TTN: variants seen among roughly 807,000 people sequenced by gnomAD.
TTN encodes connectin.
A neutral mutation model predicts 3,223.0 loss-of-function variants in TTN; 1,525 were observed. The observed-to-expected ratio is 0.47, with a 90% confidence interval of 0.45 to 0.49. The LOEUF (loss-of-function observed/expected upper bound fraction) is 0.49. TTN is among the 20% of genes least tolerant of loss of function. The probability of loss-of-function intolerance (pLI) is 0.00; values close to 1 mark genes in which losing one functional copy is unlikely to be tolerated. For missense variants in TTN, 40,786 were observed against 43,424.0 expected, an observed-to-expected ratio of 0.94 and a Z score of 5.40; for synonymous variants, 14,094 against 15,161.0, an observed-to-expected ratio of 0.93 and a Z score of 5.17.
Position 178,535,386 on chromosome 2 carries a change from T to C in TTN, c.101229A>G (p.Arg33743=). 1 of 1,613,928 alleles carries C rather than the reference T, an allele frequency of 6.2e-7. No homozygotes were observed. The highest frequency in any genetic ancestry group is 8.5e-7 in the Non-Finnish European group (1 of 1,179,840). The change falls in exon 358 of 363, where the codon CGA becomes CGG. Residue 33743 remains arginine, a synonymous_variant. Coordinates refer to ENST00000589042, the MANE Select transcript of TTN (RefSeq NM_001267550.2). ...AGTTGATCACGGTATAACGTGTTTCTCGGGCCTGTCCTACACGGAGCCATC... is the reference window on the plus strand; with the variant it reads ...AGTTGATCACGGTATAACGTGTTTCCCGGGCCTGTCCTACACGGAGCCATC... The part of the protein sequence containing the change: ...AERWLRVGQA[R]ETRYTVINLF...
At chr2:178,772,118 G>T (rs1363812155) in intron 33 of TTN, among the ~76,000 whole-genome samples, 1 of 152,084 alleles carries the variant, frequency 6.6e-6, no homozygotes, top group African/African-American at 2.4e-5. Flanking sequence ...CCAATGGTAG[G>T]TACTTTAAAA....
chr2:178,559,025 A>G lies in TTN; in HGVS notation c.86821+286T>C, dbSNP rs185937339. On this transcript the variant is annotated intron_variant, in intron 326 of 362. Transcript: ENST00000589042. ...CATACTATATATATATAATCTGTGTATATATATATATAAACATGTATACCT... is the reference window on the plus strand; with the variant it reads ...CATACTATATATATATAATCTGTGTGTATATATATATAAACATGTATACCT... The G allele has an allele frequency of 4.1e-4, 104 of 251,312 alleles. 1 individual carries two copies. Among genetic ancestry groups the G allele is most frequent in the Admixed American group, 1.6e-3 (30 of 19,310 alleles). 15.6% of individuals were successfully genotyped at this position (251,312 alleles called of 1,614,324 possible).
intron 336 of TTN, chr2:178,550,686 TTTTC>T: frequency 4.4e-6 from 2 of 453,560 alleles, no homozygotes; most frequent in South Asian, 5.3e-5. Context: ...CTCGAGAACC[TTTTC>T]TTTATGTACT....
Position 178,567,418 on chromosome 2 carries a change from A to G in TTN, c.78714T>C (p.Ala26238=). ...LRGDKEIEES[A]RCEIKNTDFK... Reference sequence around the variant, plus strand: ...AATCTGTGTTCTTTATTTCACATCTAGCAGATTCTTCAATTTCCTTATCTC... The same window carrying G: ...AATCTGTGTTCTTTATTTCACATCTGGCAGATTCTTCAATTTCCTTATCTC... The change falls in exon 326 of 363, where the codon GCT becomes GCC. Residue 26238 remains alanine (A), a synonymous_variant. Transcript: ENST00000589042. 1 of 1,606,838 alleles carries G rather than the reference A, an allele frequency of 6.2e-7. No homozygotes were observed. The highest frequency in any genetic ancestry group is 8.5e-7 in the Non-Finnish European group (1 of 1,177,086).
chr2:178,653,398 T>A lies in TTN; in HGVS notation c.38707+29A>T, dbSNP rs752103902. On this transcript the variant is annotated intron_variant, in intron 197 of 362. Coordinates refer to ENST00000589042, the MANE Select transcript of TTN (RefSeq NM_001267550.2). The stretch of plus-strand genomic sequence containing the variant: ...AATATACAGCAGAGGAATTGGATCT[T>A]CTGAAGCTTAAGGTCAAATGACAAG... 70 of 1,604,106 alleles carry A rather than the reference T, an allele frequency of 4.4e-5. 1 individual carries two copies. In the East Asian group the frequency reaches 1.3e-3, roughly 30 times the overall value.
At position 178,588,591 on chromosome 2, in the gene TTN, C is replaced by G. The variant is rs878968094; in HGVS notation, c.63134G>C (p.Gly21045Ala). The change falls in exon 304 of 363, where the codon GGA (glycine) becomes GCA (alanine). Residue 21045 changes from glycine to alanine, a missense_variant. By Grantham distance (60) the Gly-to-Ala change is moderately conservative. Transcript: ENST00000589042. ...QFRVKAENEI[G>A]IGEPSLPSRP... ...TGAAGGCAAGCTTGGTTCTCCAATT[C>G]CAATTTCATTTTCTGCCTTGACACG... is the stretch of plus-strand genomic sequence containing the variant. The G allele has an allele frequency of 4.5e-6, 7 of 1,558,384 alleles. No individual in the cohort carries two copies. The African/African-American group carries it at 9.6e-5, about 21-fold the overall frequency.
chr2:178,770,029 A>T, intron 36 of TTN, 31 bp downstream of exon 36: 2 of 1,614,152 alleles, frequency 1.2e-6, no homozygotes, highest in Non-Finnish European at 1.7e-6. Context: ...TTCATTAAGG[A>T]AAGGGCTGTA....
intron 119 of TTN, 45 bp from the exon 120 acceptor site, chr2:178,692,625 A>T (rs1178752141): frequency 7.2e-7 from 1 of 1,392,866 alleles, no homozygotes; most frequent in Admixed American, 2.8e-5. Context: ...GCATTTGACA[A>T]GGCATATGTT....
chr2:178,768,237 T>C, intron 38 of TTN, 82 bp from the exon 39 acceptor site: 2 of 1,465,566 alleles, frequency 1.4e-6, no homozygotes, highest in East Asian at 2.4e-5. Context: ...TCCACCAATT[T>C]AAAGTATACA....
chr2:178,600,853 C>G lies in TTN; in HGVS notation c.56050+1G>C. ...TTCTTTGTCAGTACATTGGTACTTACATGTCTGGTCTTTGACAGTCACAGG... is the reference window on the plus strand; with the variant it reads ...TTCTTTGTCAGTACATTGGTACTTAGATGTCTGGTCTTTGACAGTCACAGG... On this transcript the variant is annotated splice_donor_variant, in intron 288 of 362. Coordinates refer to ENST00000589042, the MANE Select transcript of TTN (RefSeq NM_001267550.2). LOFTEE classifies it high-confidence loss of function. The G allele has an allele frequency of 6.2e-7, 1 of 1,612,746 alleles. No homozygotes were observed. Among genetic ancestry groups the G allele is most frequent in the Non-Finnish European group, 8.5e-7 (1 of 1,179,134 alleles).
chr2:178,546,793 A>T lies in TTN; in HGVS notation c.94635T>A (p.Arg31545=). The T allele has an allele frequency of 6.2e-7, 1 of 1,613,738 alleles. No homozygotes were observed. The highest frequency in any genetic ancestry group is 8.5e-7 in the Non-Finnish European group (1 of 1,179,718). The change falls in exon 341 of 363, where the codon CGT becomes CGA. Residue 31545 remains arginine (R), a synonymous_variant. Coordinates refer to ENST00000589042, the MANE Select transcript of TTN (RefSeq NM_001267550.2). ...GSKVVGYIIE[R]KPVSEVGDGR... ...CATCTCCTACCTCACTGACTGGCTT[A>T]CGCTCTATGATGTAGCCCACAACCT...
rs1297994041 is a variant in TTN at position 178,756,304 on chromosome 2, C to A, written c.11172G>T (p.Leu3724=). The change falls in exon 46 of 363, where the codon CTG becomes CTT. Residue 3724 remains leucine (L), a synonymous_variant. Transcript: ENST00000589042. ...TGCAGCTGTATAGTCCTTGGTCTAC[C>A]AGCTGAACATTACATATGGTAAGAA... is the stretch of plus-strand genomic sequence containing the variant. The part of the protein sequence containing the change: ...IQFLTICNVQ[L]VDQGLYSCIV... The A allele has an allele frequency of 1.2e-6, 2 of 1,613,778 alleles. No individual in the cohort carries two copies. The highest frequency in any genetic ancestry group is 2.2e-5 in the East Asian group (1 of 44,888).
chr2:178,723,207 C>A lies in TTN; in HGVS notation c.21800G>T (p.Gly7267Val). The change falls in exon 75 of 363, where the codon GGT becomes GTT. Residue 7267 changes from glycine to valine, a missense_variant. By Grantham distance (109) the Gly-to-Val change is moderately radical (BLOSUM62 -3). Transcript: ENST00000589042. ...TTTTTCAGAGGTAGTTATGTTAAAACCATCCTTTTTCCAAGTGACAGAAAT... is the reference window on the plus strand; with the variant it reads ...TTTTTCAGAGGTAGTTATGTTAAAAACATCCTTTTTCCAAGTGACAGAAAT... The part of the protein sequence containing the change: ...LPISVTWKKD[G>V]FNITTSEKCN... 1 of 1,613,460 alleles carries A rather than the reference C, an allele frequency of 6.2e-7. No individual in the cohort carries two copies. The highest frequency in any genetic ancestry group is 8.5e-7 in the Non-Finnish European group (1 of 1,179,630).
rs763956512 is a variant in TTN at position 178,784,125 on chromosome 2, G to C, written c.2720C>G (p.Thr907Ser). ...EVKKEVGVSI[T>S]GTTVREERFE... ...GCGCTCTTCACGGACGGTGGTGCCA[G>C]TGATGCTCACCCCTACTTCCTTTTT... The change falls in exon 16 of 363, where the codon ACT (threonine) becomes AGT (serine). Residue 907 changes from threonine to serine, a missense_variant. By Grantham distance (58) the Thr-to-Ser change is moderately conservative. Transcript: ENST00000589042. 1.9e-6 allele frequency: 3 copies of C among 1,613,992 alleles called. No individual in the cohort carries two copies. The highest frequency in any genetic ancestry group is 1.3e-5 in the African/African-American group (1 of 74,908).
chr2:178,688,564 G>T, intron 126 of TTN, 113 bp downstream of exon 126: 1 of 773,462 alleles, frequency 1.3e-6, no homozygotes, highest in African/African-American at 1.7e-5. Flanking sequence ...ACCAACATAA[G>T]GAGAAATAAC....
intron 117 of TTN, among the ~76,000 whole-genome samples, chr2:178,694,325 A>C (rs542043672): frequency 2.6e-5 from 4 of 152,186 alleles, no homozygotes; most frequent in African/African-American, 9.6e-5. Context: ...ATGCAATGGA[A>C]TGCATTGCAT....
Position 178,722,477 on chromosome 2 carries a change from G to T in TTN, c.22310C>A (p.Thr7437Lys). Reference sequence around the variant, plus strand: ...AGAGCCATTTAATCGACAAGTGAGTGTAACAGGTAACCCCACAGTTTGTTC... The same window carrying T: ...AGAGCCATTTAATCGACAAGTGAGTTTAACAGGTAACCCCACAGTTTGTTC... The part of the protein sequence containing the change: ...DIEQTVGLPV[T>K]LTCRLNGSAP... The change falls in exon 77 of 363, where the codon ACA (threonine) becomes AAA (lysine). Residue 7437 changes from threonine (T) to lysine (K), a missense_variant. Physicochemically the swap from Thr to Lys is moderately conservative, Grantham distance 78. Coordinates refer to ENST00000589042, the MANE Select transcript of TTN (RefSeq NM_001267550.2). The T allele has an allele frequency of 6.2e-7, 1 of 1,613,438 alleles. No homozygotes were observed.
intron 69 of TTN, 27 bp from the exon 70 acceptor site, chr2:178,726,073 A>G (rs2079284217): frequency 6.7e-7 from 1 of 1,499,502 alleles, no homozygotes; most frequent in Non-Finnish European, 8.9e-7. Flanking sequence ...TTTCTCATGA[A>G]TTGGGCTACT....
In TTN at chr2:178,775,905, G is replaced by C; in HGVS notation, c.5959C>G (p.His1987Asp). ...VKLKRAERITHEKVPEESEEL... is the reference protein window; with the variant it reads ...VKLKRAERITDEKVPEESEEL... ...TCCGACTCTTCAGGCACTTTTTCATGGGTAATTCTTTCAGCCCTTTTCAAC... is the reference window on the plus strand; with the variant it reads ...TCCGACTCTTCAGGCACTTTTTCATCGGTAATTCTTTCAGCCCTTTTCAAC... Residue 1987 changes from histidine (H) to aspartate (D), a missense_variant, in exon 28 of 363, where the codon CAT (histidine) becomes GAT (aspartate). His to Asp is a moderately conservative substitution (Grantham distance 81). Coordinates refer to ENST00000589042, the MANE Select transcript of TTN (RefSeq NM_001267550.2). The C allele has an allele frequency of 6.2e-7, 1 of 1,614,030 alleles. No individual in the cohort carries two copies.
Sources: allele counts gnomAD v4.1 joint callset (sites outside exome capture counted in the v4.1 genomes callset), GRCh38; gene constraint gnomAD v4.1.1; transcripts MANE v1.5; gene names NCBI Gene and HGNC (gene_info 2026-07-23, HGNC 2026-07-21).